The following CRTC1 variants were observed in gnomAD, a reference collection of about 807,000 sequenced individuals.
CRTC1 encodes CREB regulated transcription coactivator 1.
CRTC1 carries 18 observed loss-of-function variants against 66.1 expected under a neutral mutation model. That is an observed-to-expected ratio of 0.27 (90% CI 0.19 to 0.40). CRTC1 has a LOEUF of 0.40. Among genes scored for constraint, CRTC1 ranks in the 10% least tolerant of loss-of-function variants. CRTC1 has a pLI of 1.00. For synonymous variants in CRTC1, 416 were observed against 398.8 expected, an observed-to-expected ratio of 1.04 and a Z score of -0.51; for missense variants, 669 against 887.9, an observed-to-expected ratio of 0.75 and a Z score of 3.13.
chr19:18,731,682 C>G (rs889615342), intron 1 of CRTC1, among the ~76,000 whole-genome samples: 1 of 152,126 alleles, frequency 6.6e-6, no homozygotes, highest in Non-Finnish European at 1.5e-5. Context: ...GCAGGCCCCC[C>G]GCTAGCCCCC....
In CRTC1 at chr19:18,741,008, A is replaced by AAAAC. The variant is rs986119181; in HGVS notation, c.127-1891_127-1888dup. Reference sequence around the variant, plus strand: ...CAACAGAGCGAGACTCCATCTCAAAAAAACAAACAAACAACAACAACAACA... The same window carrying AAAAC: ...CAACAGAGCGAGACTCCATCTCAAAAAAACAAACAAACAAACAACAACAACAACA... On this transcript the variant is annotated intron_variant, in intron 1 of 13. Coordinates refer to ENST00000321949, the MANE Select transcript of CRTC1 (RefSeq NM_015321.3). This position sits in a 1 kb window ranked among gnomAD's most constrained non-coding sequence, Gnocchi z 4.2. Among the ~76,000 whole-genome samples, 2 of 152,204 alleles carry AAAAC rather than the reference A, an allele frequency of 1.3e-5. No individual in the cohort carries two copies. The highest frequency in any genetic ancestry group is 3.8e-4 in the East Asian group (2 of 5,198).
intron 2 of CRTC1, among the ~76,000 whole-genome samples, chr19:18,744,852 C>G (rs987031187): frequency 6.6e-5 from 10 of 152,206 alleles, no homozygotes; most frequent in African/African-American, 1.7e-4. Context: ...GTAGTCAGCC[C>G]TGAACTCTGG....
intron 1 of CRTC1, among the ~76,000 whole-genome samples, chr19:18,687,587 A>G (rs2052714891): frequency 6.6e-6 from 1 of 152,128 alleles, no homozygotes; most frequent in African/African-American, 2.4e-5. Flanking sequence ...GCTGCCTCCC[A>G]TACTGTAGAC....
At chr19:18,725,196 C>T (rs2053720216) in intron 1 of CRTC1, among the ~76,000 whole-genome samples, 1 of 152,156 alleles carries the variant, frequency 6.6e-6, no homozygotes, top group Admixed American at 6.5e-5. Flanking sequence ...CTGCCTGGCC[C>T]CTCATGGCAA....
chr19:18,730,500 C>T (rs1393480673), intron 1 of CRTC1, among the ~76,000 whole-genome samples: 2 of 152,088 alleles, frequency 1.3e-5, no homozygotes, highest in Non-Finnish European at 2.9e-5. Flanking sequence ...CGTGGAGTCA[C>T]CGGCTGGGTG....
intron 11 of CRTC1, among the ~76,000 whole-genome samples, chr19:18,773,150 C>T (rs556292727): frequency 2.0e-5 from 3 of 152,086 alleles, no homozygotes; most frequent in East Asian, 3.9e-4. Flanking sequence ...AGGAGGCAGG[C>T]GGCTCATGGA....
intron 2 of CRTC1, 50 bp from the exon 3 acceptor site, chr19:18,745,773 A>T: frequency 6.2e-7 from 1 of 1,610,172 alleles, no homozygotes; most frequent in Non-Finnish European, 8.5e-7. Flanking sequence ...CACAGCTGGT[A>T]ACCATTGTTT....
intron 1 of CRTC1, among the ~76,000 whole-genome samples, chr19:18,693,099 T>C (rs1453680189): frequency 2.6e-5 from 3 of 114,998 alleles, no homozygotes; most frequent in African/African-American, 1.1e-4. Context: ...AAAAAAGAAA[T>C]TCATTTTTCG....
Position 18,777,541 on chromosome 19 carries a change from C to T in CRTC1, c.*159C>T, listed in dbSNP as rs574056026. On this transcript the variant is annotated 3_prime_UTR_variant, in exon 14 of 14. Transcript: ENST00000321949. The surrounding 1 kb of genome is among the most constrained non-coding windows in gnomAD (Gnocchi z 5.5). ...AGCCCGCCCCCGGTTGTCCACCTCC[C>T]GCGAAGCCCAATCGCGAGGCCGCGA... The T allele has an allele frequency of 1.8e-5, 12 of 683,958 alleles. No individual in the cohort carries two copies. Among genetic ancestry groups the T allele is most frequent in the Admixed American group, 5.4e-5 (2 of 36,912 alleles). The allele number at this position is 683,958 out of a possible 1,614,324, so 42.4% of individuals were successfully genotyped here. A position where few individuals can be genotyped will look rare whatever the true frequency, so the allele number is the denominator to read the frequency against.
intron 1 of CRTC1, among the ~76,000 whole-genome samples, chr19:18,700,262 C>A (rs2053101944): frequency 1.3e-5 from 2 of 152,148 alleles, no homozygotes; most frequent in African/African-American, 4.8e-5. Flanking sequence ...GGGGCTGAGT[C>A]TGCTTGGAAG....
intron 11 of CRTC1, 116 bp from the exon 12 acceptor site, chr19:18,774,784 C>G: frequency 1.1e-6 from 1 of 907,632 alleles, no homozygotes; most frequent in Middle Eastern, 2.2e-4. Flanking sequence ...TCATCATCAG[C>G]CTCCTGCCGT....
At chr19:18,776,084 G>A (rs1484402778) in intron 13 of CRTC1, among the ~76,000 whole-genome samples, 1 of 152,204 alleles carries the variant, frequency 6.6e-6, no homozygotes, top group Non-Finnish European at 1.5e-5. Context: ...CCTCTCGGCG[G>A]CCTCCTGTCT....
chr19:18,716,686 T>A (rs538024918), intron 1 of CRTC1, among the ~76,000 whole-genome samples: 2 of 152,302 alleles, frequency 1.3e-5, no homozygotes, highest in African/African-American at 4.8e-5. Flanking sequence ...GTCTTTCCTG[T>A]AGAGCTGGAG....
Position 18,736,823 on chromosome 19 carries a change from G to A in CRTC1, c.127-6087G>A, listed in dbSNP as rs1036878428. On this transcript the variant is annotated intron_variant, in intron 1 of 13. Transcript: ENST00000321949. ...CAGGGCCGAGCTCAGCCATCAGCCC[G>A]CCTGCTTCCCTCAATCTCATTAGAA... 3.9e-5 allele frequency among the ~76,000 whole-genome samples: 6 copies of A among 152,166 alleles called. No homozygotes were observed. The East Asian group carries it at 5.8e-4, about 15-fold the overall frequency.
chr19:18,775,059 G>T, intron 12 of CRTC1, 73 bp downstream of exon 12: 2 of 1,465,760 alleles, frequency 1.4e-6, no homozygotes, highest in Non-Finnish European at 1.9e-6. Context: ...GCTGGGACCC[G>T]GGCCTTGCGA....
intron 10 of CRTC1, among the ~76,000 whole-genome samples, chr19:18,769,096 G>A (rs2054804999): frequency 1.3e-5 from 2 of 152,224 alleles, no homozygotes; most frequent in South Asian, 4.1e-4. Context: ...CCCACCTGAA[G>A]CCAGGCTTCC....
Position 18,749,777 on chromosome 19 carries a change from C to A in CRTC1, c.444-4C>A, listed in dbSNP as rs1188646002. 2 of 1,613,556 alleles carry A rather than the reference C, an allele frequency of 1.2e-6. No homozygotes were observed. Among genetic ancestry groups the A allele is most frequent in the Admixed American group, 1.7e-5 (1 of 60,008 alleles). ...CTCATTGTCTCTTCCTCCCTCCCCA[C>A]CAGGACCAATTCTGACTCCGCCCTG... On this transcript the variant is annotated splice_region_variant and splice_polypyrimidine_tract_variant and intron_variant, in intron 4 of 13. Coordinates refer to ENST00000321949, the MANE Select transcript of CRTC1 (RefSeq NM_015321.3).
At chr19:18,732,778 A>T (rs1228587949) in intron 1 of CRTC1, among the ~76,000 whole-genome samples, 1 of 151,958 alleles carries the variant, frequency 6.6e-6, no homozygotes, top group African/African-American at 2.4e-5. Context: ...ACCTGGGGAT[A>T]CTCCAGAAGC....
At chr19:18,767,358 C>T (rs2054760044) in intron 9 of CRTC1, among the ~76,000 whole-genome samples, 1 of 152,096 alleles carries the variant, frequency 6.6e-6, no homozygotes, top group African/African-American at 2.4e-5. Context: ...CCTACCATGC[C>T]CAGCTGAGTT....
Sources: allele counts gnomAD v4.1 joint callset (sites outside exome capture counted in the v4.1 genomes callset), GRCh38; gene constraint gnomAD v4.1.1; non-coding constraint Gnocchi (gnomAD v3.1); transcripts MANE v1.5; gene names NCBI Gene and HGNC (gene_info 2026-07-23, HGNC 2026-07-21).